Variants in SLC26A7 observed in about 807,000 individuals in gnomAD.
SLC26A7 encodes the protein solute carrier family 26 member 7, also known as anion exchange transporter.
SLC26A7 carries 59 observed loss-of-function variants against 82.5 expected under a neutral mutation model. That is an observed-to-expected ratio of 0.72 (90% confidence interval 0.58 to 0.89). The LOEUF (loss-of-function observed/expected upper bound fraction) is 0.89, where lower values mean the gene tolerates loss of function less well. SLC26A7 is among the 40% of genes least tolerant of loss of function. The pLI, the probability that SLC26A7 is intolerant of heterozygous loss-of-function variation, is 0.00. For missense variants in SLC26A7, 820 were observed against 793.0 expected (o/e 1.03, Z -0.41); for synonymous variants, 271 against 274.3 (o/e 0.99, Z 0.12).
intron 2 of SLC26A7, among the ~76,000 whole-genome samples, chr8:91,271,129 C>A (rs1033991348): frequency 6.6e-6 from 1 of 152,128 alleles, no homozygotes; most frequent in Non-Finnish European, 1.5e-5. Context: ...AGACAATGCC[C>A]AAATATTATT....
At chr8:91,215,524 G>T (rs1023784067) in intron 1 of SLC26A7, among the ~76,000 whole-genome samples, 1 of 152,026 alleles carries the variant, frequency 6.6e-6, no homozygotes, top group East Asian at 1.9e-4. Flanking sequence ...TAAAAAACAC[G>T]TAGAGAATAT....
intron 8 of SLC26A7, among the ~76,000 whole-genome samples, chr8:91,340,974 C>T (rs1813392704): frequency 6.8e-6 from 1 of 147,700 alleles, no homozygotes; most frequent in Non-Finnish European, 1.5e-5. Context: ...AATACTTTTG[C>T]ATATGTCCTG....
At chr8:91,340,674 G>GAAAA in intron 8 of SLC26A7, 123 bp downstream of exon 8, 2 of 1,151,452 alleles carry the variant, frequency 1.7e-6, no homozygotes, top group Admixed American at 2.6e-5. Flanking sequence ...AGAGTGGGTT[G>GAAAA]AACAAAAAAA....
intron 4 of SLC26A7, among the ~76,000 whole-genome samples, chr8:91,303,985 AAAGCTAAGAAGTAAT>A (rs1812235948): frequency 1.3e-5 from 2 of 152,226 alleles, no homozygotes; most frequent in Admixed American, 1.3e-4. Flanking sequence ...TGTACCTGGC[AAAGCTAAGAAGTAAT>A]AAACTTAACC....
intron 13 of SLC26A7, 48 bp downstream of exon 13, chr8:91,363,586 G>A: frequency 2.7e-6 from 3 of 1,119,178 alleles, no homozygotes; most frequent in Non-Finnish European, 3.8e-6. Context: ...ATCATTTTGT[G>A]GGTGAGATAA....
intron 2 of SLC26A7, among the ~76,000 whole-genome samples, chr8:91,262,770 C>A (rs1013975290): frequency 2.4e-4 from 37 of 151,848 alleles, no homozygotes; most frequent in Admixed American, 1.6e-3. Flanking sequence ...TTAAGAATTA[C>A]CTCTATTAAA....
chr8:91,353,431 T>C (rs1339241924), intron 11 of SLC26A7, among the ~76,000 whole-genome samples: 5 of 152,176 alleles, frequency 3.3e-5, no homozygotes, highest in Non-Finnish European at 7.4e-5. Context: ...CCACTGTCAT[T>C]CTAAATACAA....
rs768427251 is a variant in SLC26A7, at chr8:91,393,919, C to T, written c.1832-17C>T. 6.2e-7 allele frequency: 1 copy of T among 1,612,574 alleles called. No individual in the cohort carries two copies. The highest frequency in any genetic ancestry group is 1.1e-5 in the South Asian group (1 of 90,990). On this transcript the variant is annotated splice_polypyrimidine_tract_variant and intron_variant, in intron 17 of 18. Coordinates refer to ENST00000276609, the MANE Select transcript of SLC26A7 (RefSeq NM_052832.4). ...CACTTCCACATGTATTCTTATATCA[C>T]TTGTGCTTTCTTGAAGCTTCCTTGA...
intron 5 of SLC26A7, among the ~76,000 whole-genome samples, chr8:91,328,391 G>A (rs1812990902): frequency 6.6e-6 from 1 of 152,044 alleles, no homozygotes; most frequent in South Asian, 2.1e-4. Flanking sequence ...TACTGCAATG[G>A]TAGCTTTAAT....
rs1808566662 is a variant in SLC26A7 at position 91,396,125 on chromosome 8, T to G, written c.*1028T>G. Reference sequence around the variant, plus strand: ...CTTCAAACCCACCAAACCAACAGGATAATTGACAAATAAACGCCATAGGCT... The same window carrying G: ...CTTCAAACCCACCAAACCAACAGGAGAATTGACAAATAAACGCCATAGGCT... On this transcript the variant is annotated 3_prime_UTR_variant, in exon 19 of 19. Coordinates refer to ENST00000276609, the MANE Select transcript of SLC26A7 (RefSeq NM_052832.4). 6.6e-6 allele frequency: 1 copy of G among 152,028 alleles called. No homozygotes were observed. Among genetic ancestry groups the G allele is most frequent in the Non-Finnish European group, 1.5e-5 (1 of 67,894 alleles). The allele number at this position is 152,028 out of a possible 1,614,324, so 9.4% of individuals were successfully genotyped here. A position where few individuals can be genotyped will look rare whatever the true frequency, so the allele number is the denominator to read the frequency against.
At chr8:91,340,186 G>A (rs977864285) in intron 7 of SLC26A7, among the ~76,000 whole-genome samples, 11 of 152,192 alleles carry the variant, frequency 7.2e-5, no homozygotes, top group African/African-American at 2.7e-4. Flanking sequence ...CCAGTTAAAT[G>A]CATGGAGCTG....
intron 2 of SLC26A7, among the ~76,000 whole-genome samples, chr8:91,258,540 T>C (rs932713414): frequency 2.6e-5 from 4 of 152,088 alleles, no homozygotes; most frequent in African/African-American, 9.7e-5. Context: ...ATGCCCATTG[T>C]CCTCATGGCC....
At chr8:91,220,292 G>A (rs1421263434) in intron 2 of SLC26A7, among the ~76,000 whole-genome samples, 1 of 152,024 alleles carries the variant, frequency 6.6e-6, no homozygotes, top group African/African-American at 2.4e-5. Context: ...TTATTTTGAG[G>A]GAAAATTGCT....
intron 3 of SLC26A7, among the ~76,000 whole-genome samples, chr8:91,292,877 T>C (rs1014659114): frequency 5.3e-4 from 80 of 152,208 alleles, no homozygotes; most frequent in African/African-American, 1.8e-3. Context: ...TGTGAGACAA[T>C]TGGATAATCT....
chr8:91,334,489 T>C (rs1813186227), intron 6 of SLC26A7, 42 bp downstream of exon 6: 10 of 1,559,982 alleles, frequency 6.4e-6, no homozygotes, highest in Non-Finnish European at 8.7e-6. Flanking sequence ...CATGCAAAGC[T>C]TTCCAGTTCT....
At chr8:91,245,302 T>A (rs961405150), upstream of SLC26A7, among the ~76,000 whole-genome samples, 1 of 152,202 alleles carries the variant, frequency 6.6e-6, no homozygotes, top group African/African-American at 2.4e-5. Flanking sequence ...TGGAATCGGT[T>A]ATTTTTCTAG....
Position 91,318,493 on chromosome 8 carries a change from A to C in SLC26A7, c.642+113A>C, listed in dbSNP as rs888334060. 43 of 879,470 alleles carry C rather than the reference A, an allele frequency of 4.9e-5. No individual in the cohort carries two copies. In the Admixed American group the frequency reaches 8.4e-4, roughly 17 times the overall value. 54.5% of individuals were successfully genotyped at this position (879,470 alleles called of 1,614,324 possible). Reference sequence around the variant, plus strand: ...TCTGTATTAAAGCAACTTGGGTTTAAATAAAATCTTATAGGATATTTTGAG... The same window carrying C: ...TCTGTATTAAAGCAACTTGGGTTTACATAAAATCTTATAGGATATTTTGAG... On this transcript the variant is annotated intron_variant, in intron 5 of 18. Transcript: ENST00000276609.
chr8:91,257,554 C>T (rs1002115238), intron 2 of SLC26A7, among the ~76,000 whole-genome samples: 1 of 152,012 alleles, frequency 6.6e-6, no homozygotes, highest in Non-Finnish European at 1.5e-5. Flanking sequence ...AGACTTGACT[C>T]CTATTCATAG....
chr8:91,242,261 C>G (rs913794189), intron 2 of SLC26A7, among the ~76,000 whole-genome samples: 1 of 152,084 alleles, frequency 6.6e-6, no homozygotes, highest in African/African-American at 2.4e-5. Flanking sequence ...TCAGTAATTA[C>G]TTTGATATGA....
Sources: allele counts gnomAD v4.1 joint callset (sites outside exome capture counted in the v4.1 genomes callset), GRCh38; gene constraint gnomAD v4.1.1; transcripts MANE v1.5; gene names NCBI Gene and HGNC (gene_info 2026-07-23, HGNC 2026-07-21).